Variants in VIT observed in about 807,000 individuals in gnomAD.
VIT encodes vitrin.
In VIT, 99 loss-of-function variants were observed where a neutral mutation model predicts 78.0. The observed-to-expected ratio is 1.27, with a 90% CI of 1.08 to 1.50. The LOEUF is 1.50. Among genes scored for constraint, VIT ranks in the 40% most tolerant of loss-of-function variants. The pLI is 0.00. For missense variants in VIT, 1,126 were observed against 875.3 expected, an observed-to-expected ratio of 1.29 and a Z score of -3.61; for synonymous variants, 374 against 334.3, an observed-to-expected ratio of 1.12 and a Z score of -1.29.
chr2:36,732,749 G>A (rs947420446), intron 3 of VIT, among the ~76,000 whole-genome samples: 1 of 152,200 alleles, frequency 6.6e-6, no homozygotes, highest in Non-Finnish European at 1.5e-5. Context: ...AACAGGCAAT[G>A]ATAATGTCCA....
chr2:36,777,897 T>C (rs1281663533), intron 9 of VIT, among the ~76,000 whole-genome samples: 1 of 152,180 alleles, frequency 6.6e-6, no homozygotes, highest in African/African-American at 2.4e-5. Context: ...AACCGAATCC[T>C]GCGATCCGCA....
chr2:36,803,992 G>C (rs964397404), intron 13 of VIT, among the ~76,000 whole-genome samples: 1 of 152,212 alleles, frequency 6.6e-6, no homozygotes, highest in African/African-American at 2.4e-5. Flanking sequence ...GGTCATCCCA[G>C]TTTTCCCAGA....
intron 2 of VIT, among the ~76,000 whole-genome samples, chr2:36,728,126 T>G (rs1227531978): frequency 6.6e-6 from 1 of 152,150 alleles, no homozygotes; most frequent in Non-Finnish European, 1.5e-5. Flanking sequence ...AGACAGGGTT[T>G]CACCATGTTG....
chr2:36,801,291 G>T lies in VIT; in HGVS notation c.1059-10G>T. 6.2e-7 allele frequency: 1 copy of T among 1,610,208 alleles called. No homozygotes were observed. The highest frequency in any genetic ancestry group is 1.1e-5 in the South Asian group (1 of 90,934). Reference sequence around the variant, plus strand: ...GCAGCTAATTTGTATTTCTTGTTCTGACTCTTCAGAGACAACCCTGCTACT... The same window carrying T: ...GCAGCTAATTTGTATTTCTTGTTCTTACTCTTCAGAGACAACCCTGCTACT... On this transcript the variant is annotated splice_polypyrimidine_tract_variant and intron_variant, in intron 12 of 15. Coordinates refer to ENST00000379242, the MANE Select transcript of VIT (RefSeq NM_053276.4).
At chr2:36,705,735 TG>T (rs1319229003) in intron 1 of VIT, among the ~76,000 whole-genome samples, 1 of 152,230 alleles carries the variant, frequency 6.6e-6, no homozygotes, top group African/African-American at 2.4e-5. Context: ...AGAATATTTA[TG>T]GGAAGTTCCT....
intron 2 of VIT, among the ~76,000 whole-genome samples, chr2:36,728,198 T>C (rs1666971874): frequency 6.6e-6 from 1 of 152,194 alleles, no homozygotes; most frequent in Non-Finnish European, 1.5e-5. Context: ...CCCAAAGTGC[T>C]GGGATTACAG....
chr2:36,754,197 C>T (rs1389413442), intron 4 of VIT, among the ~76,000 whole-genome samples: 2 of 152,072 alleles, frequency 1.3e-5, no homozygotes, highest in Non-Finnish European at 2.9e-5. Context: ...ACTTTCACTC[C>T]TGGAGGGAAG....
At chr2:36,721,663 G>A (rs1666519458) in intron 2 of VIT, among the ~76,000 whole-genome samples, 2 of 152,056 alleles carry the variant, frequency 1.3e-5, no homozygotes, top group East Asian at 1.9e-4. Flanking sequence ...CTCCTCCCCT[G>A]CTCTTGTCAC....
intron 1 of VIT, among the ~76,000 whole-genome samples, chr2:36,707,874 AG>A (rs1173735277): frequency 5.6e-5 from 8 of 142,450 alleles, no homozygotes; most frequent in Non-Finnish European, 1.2e-4. Context: ...AAAAAAAAAA[AG>A]GGAAGTAAAG....
At chr2:36,723,456 C>G (rs1040532694) in intron 2 of VIT, among the ~76,000 whole-genome samples, 2 of 152,158 alleles carry the variant, frequency 1.3e-5, no homozygotes, top group African/African-American at 4.8e-5. Context: ...AATCTCAAAT[C>G]CCTGCCAGGA....
At chr2:36,707,773 C>G (rs1365293692) in intron 1 of VIT, among the ~76,000 whole-genome samples, 3 of 151,380 alleles carry the variant, frequency 2.0e-5, no homozygotes, top group Non-Finnish European at 4.4e-5. Context: ...CTTGTGCATT[C>G]TTAGGAACCA....
At chr2:36,746,898 G>C (rs908815710) in intron 4 of VIT, among the ~76,000 whole-genome samples, 1 of 152,004 alleles carries the variant, frequency 6.6e-6, no homozygotes, top group Admixed American at 6.6e-5. Flanking sequence ...ATATTAGATT[G>C]TTAATATGAG....
At chr2:36,708,109 C>T (rs1450431247) in intron 1 of VIT, among the ~76,000 whole-genome samples, 2 of 142,280 alleles carry the variant, frequency 1.4e-5, no homozygotes, top group Non-Finnish European at 3.2e-5. Flanking sequence ...TGTAAAGGAC[C>T]TCCCCCCCCC....
intron 5 of VIT, among the ~76,000 whole-genome samples, chr2:36,756,093 G>A (rs531276034): frequency 3.1e-4 from 47 of 151,776 alleles, no homozygotes; most frequent in African/African-American, 1.0e-3. Context: ...GAGTAGCTGG[G>A]ATTACAGGCA....
At chr2:36,790,737 A>G (rs1052217830) in intron 12 of VIT, among the ~76,000 whole-genome samples, 4 of 152,250 alleles carry the variant, frequency 2.6e-5, no homozygotes, top group African/African-American at 9.6e-5. Context: ...ATCTGCCAGG[A>G]AAGAGTCTGG....
intron 13 of VIT, among the ~76,000 whole-genome samples, chr2:36,803,450 A>T (rs1318653066): frequency 1.3e-5 from 2 of 152,182 alleles, no homozygotes; most frequent in Admixed American, 6.5e-5. Flanking sequence ...TGGCCTCCAG[A>T]TATAAGGTTA....
chr2:36,722,422 T>C (rs1023494622), intron 2 of VIT, among the ~76,000 whole-genome samples: 1 of 152,240 alleles, frequency 6.6e-6, no homozygotes, highest in African/African-American at 2.4e-5. Flanking sequence ...AAATATCCTA[T>C]GATTTGAAGC....
At chr2:36,698,469 T>C (rs962072541) in intron 1 of VIT, among the ~76,000 whole-genome samples, 1 of 152,212 alleles carries the variant, frequency 6.6e-6, no homozygotes, top group Non-Finnish European at 1.5e-5. Context: ...TCCTAAATTA[T>C]AGTAACAGCT....
chr2:36,755,008 C>T lies in VIT; in HGVS notation c.363C>T (p.Val121=), dbSNP rs1668679258. Residue 121 remains valine (V), a synonymous_variant, in exon 5 of 16, where the codon GTC becomes GTT. Coordinates refer to ENST00000379242, the MANE Select transcript of VIT (RefSeq NM_053276.4). ...ACAAAGGGAGTTATTCCAACGGTGTCCAATCGTTATCCCTACCACGATGGA... is the reference window on the plus strand; with the variant it reads ...ACAAAGGGAGTTATTCCAACGGTGTTCAATCGTTATCCCTACCACGATGGA... The part of the protein sequence containing the change: ...SGYKGSYSNG[V]QSLSLPRWRE... 2.5e-6 allele frequency: 4 copies of T among 1,614,032 alleles called. No individual in the cohort carries two copies. The highest frequency in any genetic ancestry group is 3.3e-5 in the Admixed American group (2 of 60,000).
Sources: allele counts gnomAD v4.1 joint callset (sites outside exome capture counted in the v4.1 genomes callset), GRCh38; gene constraint gnomAD v4.1.1; transcripts MANE v1.5; gene names NCBI Gene and HGNC (gene_info 2026-07-23, HGNC 2026-07-21).